The following SLC5A8 variants were observed in gnomAD, a reference collection of about 807,000 sequenced individuals.
SLC5A8 encodes the protein solute carrier family 5 member 8, also known as sodium-coupled monocarboxylate transporter 1.
In SLC5A8, 55 loss-of-function variants were observed where a neutral mutation model predicts 71.9. The ratio of observed to expected loss-of-function variants is 0.77; its 90% confidence interval spans 0.62 to 0.96. SLC5A8 has a LOEUF of 0.96. Ranked by LOEUF, SLC5A8 falls within the 40% of genes least tolerant of loss-of-function variation. The pLI is 0.00. For missense variants in SLC5A8, 701 were observed against 745.3 expected, an observed-to-expected ratio of 0.94 and a Z score of 0.69; for synonymous variants, 307 against 276.1, an observed-to-expected ratio of 1.11 and a Z score of -1.11.
At chr12:101,168,362 C>G (rs1240418248) in intron 10 of SLC5A8, among the ~76,000 whole-genome samples, 180 bp from the exon 11 acceptor site, 1 of 152,200 alleles carries the variant, frequency 6.6e-6, no homozygotes, top group African/African-American at 2.4e-5. Flanking sequence ...TTCTGCATCT[C>G]AGTCTCAAGG....
chr12:101,166,204 T>C (rs1001811524), intron 12 of SLC5A8, among the ~76,000 whole-genome samples: 3 of 152,248 alleles, frequency 2.0e-5, no homozygotes, highest in African/African-American at 7.2e-5. Context: ...AAGATAATTC[T>C]TCATGCAGCT....
In SLC5A8 at chr12:101,184,052, C is replaced by T. The variant is rs542809261; in HGVS notation, c.1052+82G>A. On this transcript the variant is annotated intron_variant, in intron 8 of 14. Transcript: ENST00000536262. ...CCATCTGTGTCTGTGCCCAGAACTCCACATTATCCCGCTAAAGTATCTAAT... is the reference window on the plus strand; with the variant it reads ...CCATCTGTGTCTGTGCCCAGAACTCTACATTATCCCGCTAAAGTATCTAAT... 467 of 1,403,824 alleles carry T rather than the reference C, an allele frequency of 3.3e-4. 4 individuals are homozygous for T. In the African/African-American group the frequency reaches 5.3e-3, roughly 16 times the overall value. The allele number at this position is 1,403,824 out of a possible 1,614,324, so 87.0% of individuals were successfully genotyped here. A position where few individuals can be genotyped will look rare whatever the true frequency, so the allele number is the denominator to read the frequency against.
intron 12 of SLC5A8, among the ~76,000 whole-genome samples, chr12:101,163,850 G>T (rs186944139): frequency 6.6e-6 from 1 of 152,272 alleles, no homozygotes. Context: ...CGTTTTCATC[G>T]CCAGTGCATT....
rs773515388 is a variant in SLC5A8, at chr12:101,166,648, T to C, written c.1372A>G (p.Ile458Val). Residue 458 changes from isoleucine to valine, a missense_variant, in exon 12 of 15, where the codon ATT becomes GTT. Ile to Val is a conservative substitution (Grantham distance 29). Transcript: ENST00000536262. ...AGFAISLWVG[I>V]GAQIYPPLPE... is the part of the protein sequence containing the mutation. ...AGTGGAGGATATATTTGAGCTCCAA[T>C]TCCAACCCATAGAGAAATGGCAAAT... 3 of 1,613,530 alleles carry C rather than the reference T, an allele frequency of 1.9e-6. No homozygotes were observed. Among genetic ancestry groups the C allele is most frequent in the Non-Finnish European group, 2.5e-6 (3 of 1,179,848 alleles).
In SLC5A8 at chr12:101,210,136, C is replaced by T. The variant is rs190653820; in HGVS notation, c.-288G>A. 6 of 401,788 alleles carry T rather than the reference C, an allele frequency of 1.5e-5. No individual in the cohort carries two copies. The highest frequency in any genetic ancestry group is 2.6e-5 in the Non-Finnish European group (6 of 228,844). The allele number at this position is 401,788 out of a possible 1,614,324, so 24.9% of individuals were successfully genotyped here. On this transcript the variant is annotated 5_prime_UTR_variant, in exon 1 of 15. Transcript: ENST00000536262. ...CTCACCACGTGAGGAACTGGAGTGG[C>T]CGAGTTCGCCAAGGCGCCGGGGACA...
At chr12:101,204,733 T>C (rs1869607173) in intron 1 of SLC5A8, among the ~76,000 whole-genome samples, 168 bp from the exon 2 acceptor site, 1 of 152,228 alleles carries the variant, frequency 6.6e-6, no homozygotes, top group South Asian at 2.1e-4. Flanking sequence ...ATTGACTCTT[T>C]TGTTTTAGAG....
chr12:101,164,184 A>G (rs981793535), intron 12 of SLC5A8, among the ~76,000 whole-genome samples: 2 of 152,356 alleles, frequency 1.3e-5, no homozygotes, highest in Admixed American at 1.3e-4. Flanking sequence ...AAGGTAACCC[A>G]TAGAATGGGA....
Position 101,210,115 on chromosome 12 carries a change from C to A in SLC5A8, c.-267G>T. The A allele has an allele frequency of 2.3e-6, 1 of 439,904 alleles. No individual in the cohort carries two copies. The highest frequency in any genetic ancestry group is 4.0e-6 in the Non-Finnish European group (1 of 252,040). The allele number at this position is 439,904 out of a possible 1,614,324, so 27.3% of individuals were successfully genotyped here. A position where few individuals can be genotyped will look rare whatever the true frequency, so the allele number is the denominator to read the frequency against. On this transcript the variant is annotated 5_prime_UTR_variant, in exon 1 of 15. Transcript: ENST00000536262. ...ATCGACCCGCTGCCCTGAGTGCTCA[C>A]CACGTGAGGAACTGGAGTGGCCGAG...
At position 101,193,708 on chromosome 12, in the gene SLC5A8, C is replaced by CA; in HGVS notation, c.608dup (p.Ile204AspfsTer17). 1.2e-6 allele frequency: 2 copies of CA among 1,614,178 alleles called. No individual in the cohort carries two copies. Among genetic ancestry groups the CA allele is most frequent in the Non-Finnish European group, 1.7e-6 (2 of 1,180,024 alleles). The stretch of plus-strand genomic sequence containing the variant: ...CTTGCATCACCACAGCCTGTATAAT[C>CA]ACGGATGCAAATCCAGCCACCATGA... On this transcript the variant is annotated frameshift_variant, in exon 5 of 15. Transcript: ENST00000536262. LOFTEE classifies it high-confidence loss of function.
chr12:101,210,201 C>A lies in SLC5A8; in HGVS notation c.-353G>T, dbSNP rs1489827967. 2 of 243,760 alleles carry A rather than the reference C, an allele frequency of 8.2e-6. No homozygotes were observed. The highest frequency in any genetic ancestry group is 1.5e-5 in the Non-Finnish European group (2 of 129,236). 15.1% of individuals were successfully genotyped at this position (243,760 alleles called of 1,614,324 possible). ...AACTGGAGCCTCCAGCTGCTTCCAG[C>A]GAATCTACACAGGGAGCGCTCTGGG... On this transcript the variant is annotated 5_prime_UTR_variant, in exon 1 of 15. Coordinates refer to ENST00000536262, the MANE Select transcript of SLC5A8 (RefSeq NM_145913.5).
rs779334276 is a variant in SLC5A8 at position 101,161,959 on chromosome 12, T to C, written c.1630+15A>G. The C allele has an allele frequency of 5.2e-6, 8 of 1,547,864 alleles. No individual in the cohort carries two copies. Among genetic ancestry groups the C allele is most frequent in the Admixed American group, 1.7e-5 (1 of 59,896 alleles). On this transcript the variant is annotated intron_variant, in intron 13 of 14. Transcript: ENST00000536262. ...ATAGAGGTAAATACAACAATACTAA[T>C]GTTTAGATAGTTACCTGTTGATAAA... is the stretch of plus-strand genomic sequence containing the variant.
chr12:101,178,067 T>C (rs1474302963), intron 10 of SLC5A8, among the ~76,000 whole-genome samples: 2 of 152,092 alleles, frequency 1.3e-5, no homozygotes, highest in Non-Finnish European at 2.9e-5. Flanking sequence ...GGTCACAAGA[T>C]TGAAGATAAA....
intron 7 of SLC5A8, among the ~76,000 whole-genome samples, chr12:101,185,740 G>A (rs1069473): frequency 0.26 from 39,720 of 151,616 alleles, 5,615 homozygotes; most frequent in East Asian, 0.53. Context: ...CACCACGCCC[G>A]GCTAATTTTT....
intron 3 of SLC5A8, among the ~76,000 whole-genome samples, chr12:101,199,878 G>A (rs1470912646): frequency 6.6e-6 from 1 of 151,026 alleles, no homozygotes. Context: ...AAAACAAAAT[G>A]CACAAAACCT....
rs1173696424 is a variant in SLC5A8, at chr12:101,156,226, T to C, written c.*1053A>G. On this transcript the variant is annotated 3_prime_UTR_variant, in exon 15 of 15. Coordinates refer to ENST00000536262, the MANE Select transcript of SLC5A8 (RefSeq NM_145913.5). ...CGAAATTTCAAAATTTCTAGGCATA[T>C]GTATCTTTAATTGATTGCAAATTAG... The C allele has an allele frequency of 1.3e-5, 2 of 152,196 alleles. No homozygotes were observed. Among genetic ancestry groups the C allele is most frequent in the Non-Finnish European group, 2.9e-5 (2 of 68,028 alleles). 9.4% of individuals were successfully genotyped at this position (152,196 alleles called of 1,614,324 possible). A position where few individuals can be genotyped will look rare whatever the true frequency, so the allele number is the denominator to read the frequency against.
At chr12:101,168,376 CATCT>C (rs1194621720) in intron 10 of SLC5A8, among the ~76,000 whole-genome samples, 194 bp from the exon 11 acceptor site, 7 of 152,126 alleles carry the variant, frequency 4.6e-5, no homozygotes, top group African/African-American at 1.7e-4. Context: ...CTCAAGGATC[CATCT>C]GTTTCTGCAA....
chr12:101,166,789 G>A lies in SLC5A8; in HGVS notation c.1321-90C>T, dbSNP rs548741087. 6.4e-5 allele frequency: 76 copies of A among 1,193,118 alleles called. No homozygotes were observed. The South Asian group carries it at 9.0e-4, about 14-fold the overall frequency. 73.9% of individuals were successfully genotyped at this position (1,193,118 alleles called of 1,614,324 possible). A position where few individuals can be genotyped will look rare whatever the true frequency, so the allele number is the denominator to read the frequency against. ...TAGAAAGCCAAGTTCAACATGGCAC[G>A]AAATTATAAAACTCACAAGGGCAGA... is the stretch of plus-strand genomic sequence containing the variant. On this transcript the variant is annotated intron_variant, in intron 11 of 14. Coordinates refer to ENST00000536262, the MANE Select transcript of SLC5A8 (RefSeq NM_145913.5).
chr12:101,192,761 G>T (rs1868969421), intron 5 of SLC5A8, among the ~76,000 whole-genome samples: 1 of 151,956 alleles, frequency 6.6e-6, no homozygotes, highest in African/African-American at 2.4e-5. Flanking sequence ...CACATACATA[G>T]AATTATAATA....
In SLC5A8 at chr12:101,202,084, A is replaced by T. The variant is rs1439203902; in HGVS notation, c.469+80T>A. ...ACTAGAAGCATTCCTCCATCTCCCC[A>T]TCTCCCCAAGGAGAAAATAAGGCTT... On this transcript the variant is annotated intron_variant, in intron 3 of 14. Transcript: ENST00000536262. The T allele has an allele frequency of 4.4e-6, 6 of 1,374,258 alleles. No homozygotes were observed. In the East Asian group the frequency reaches 1.4e-4, roughly 33 times the overall value. The allele number at this position is 1,374,258 out of a possible 1,614,324, so 85.1% of individuals were successfully genotyped here. A position where few individuals can be genotyped will look rare whatever the true frequency, so the allele number is the denominator to read the frequency against.
Sources: allele counts gnomAD v4.1 joint callset (sites outside exome capture counted in the v4.1 genomes callset), GRCh38; gene constraint gnomAD v4.1.1; transcripts MANE v1.5; gene names NCBI Gene and HGNC (gene_info 2026-07-23, HGNC 2026-07-21).